DNAH9: variants seen among roughly 807,000 people sequenced by gnomAD.
The protein encoded by DNAH9 is DNAH9 variant protein.
In DNAH9, 345 loss-of-function variants were observed where a neutral mutation model predicts 471.6. That is an observed-to-expected ratio of 0.73 (90% CI 0.67 to 0.80). DNAH9 has a LOEUF of 0.80. DNAH9 is among the 30% of genes least tolerant of loss of function. The pLI is 0.00. For missense variants in DNAH9, 5,407 were observed against 5,609.2 expected (o/e 0.96, Z 1.15); for synonymous variants, 2,093 against 2,123.6 (o/e 0.99, Z 0.40).
At chr17:11,662,253 T>A (rs2073780617) in intron 14 of DNAH9, among the ~76,000 whole-genome samples, 1 of 152,170 alleles carries the variant, frequency 6.6e-6, no homozygotes, top group South Asian at 2.1e-4. Context: ...TCTTTGATAT[T>A]TTTTCAGCAC....
intron 36 of DNAH9, among the ~76,000 whole-genome samples, chr17:11,768,109 G>A (rs1261541273): frequency 6.6e-6 from 1 of 152,126 alleles, no homozygotes; most frequent in Non-Finnish European, 1.5e-5. Context: ...CCGAAGAATG[G>A]GGCCAATCTA....
chr17:11,685,573 A>G (rs983619682), intron 19 of DNAH9, among the ~76,000 whole-genome samples: 1 of 152,190 alleles, frequency 6.6e-6, no homozygotes, highest in Non-Finnish European at 1.5e-5. Context: ...AGGCCTGATC[A>G]GAAGCAGTGG....
At chr17:11,726,037 T>C (rs535063494) in intron 27 of DNAH9, among the ~76,000 whole-genome samples, 166 of 152,262 alleles carry the variant, frequency 1.1e-3, no homozygotes, top group African/African-American at 3.8e-3. Flanking sequence ...ATTTAGTAAT[T>C]CAACTTTCCA....
Position 11,822,330 on chromosome 17 carries a change from A to T in DNAH9, c.8851-108A>T, listed in dbSNP as rs538387122. The stretch of plus-strand genomic sequence containing the variant: ...CATTTACAGATATTATCTCTGTTGG[A>T]TGTGCTTCCCAATCTTCTGGGAGCT... On this transcript the variant is annotated intron_variant, in intron 46 of 68. Coordinates refer to ENST00000262442, the MANE Select transcript of DNAH9 (RefSeq NM_001372.4). The T allele has an allele frequency of 2.9e-5, 38 of 1,324,308 alleles. No individual in the cohort carries two copies. In the South Asian group the frequency reaches 5.1e-4, roughly 18 times the overall value. The allele number at this position is 1,324,308 out of a possible 1,614,324, so 82.0% of individuals were successfully genotyped here.
intron 57 of DNAH9, among the ~76,000 whole-genome samples, chr17:11,889,241 C>T (rs1156853028): frequency 6.6e-6 from 1 of 152,212 alleles, no homozygotes; most frequent in East Asian, 1.9e-4. Context: ...ATAGAAGAAG[C>T]TTGCATCAGA....
rs116658275 is a variant in DNAH9, at chr17:11,800,721, C to T, written c.8420+2928C>T. Among the ~76,000 whole-genome samples the T allele has an allele frequency of 8.2e-3, 1,248 of 152,222 alleles. 20 individuals carry two copies. The highest frequency in any genetic ancestry group is 0.029 in the African/African-American group (1,192 of 41,528). ...AAGTCAGTTTTCACTGCTAAGTCCT[C>T]GCCTATATTACATGACGCCCCTGTG... On this transcript the variant is annotated intron_variant, in intron 43 of 68. Transcript: ENST00000262442.
intron 49 of DNAH9, among the ~76,000 whole-genome samples, chr17:11,843,837 G>A (rs1480326268): frequency 1.3e-4 from 9 of 68,802 alleles, no homozygotes; most frequent in African/African-American, 3.3e-4. Context: ...ACATGTATAT[G>A]TGTTTGTGTG....
chr17:11,728,201 T>A (rs1199784584), intron 28 of DNAH9, among the ~76,000 whole-genome samples: 1 of 152,144 alleles, frequency 6.6e-6, no homozygotes, highest in Non-Finnish European at 1.5e-5. Context: ...GCCTGCTTCA[T>A]CTGGGCACAG....
At chr17:11,760,848 G>A (rs1462884513) in intron 35 of DNAH9, among the ~76,000 whole-genome samples, 4 of 152,272 alleles carry the variant, frequency 2.6e-5, no homozygotes, top group South Asian at 2.1e-4. Flanking sequence ...GCCACCCTGC[G>A]GATGGGGGAG....
intron 38 of DNAH9, among the ~76,000 whole-genome samples, chr17:11,771,422 G>A (rs1318638009): frequency 6.6e-6 from 1 of 152,150 alleles, no homozygotes; most frequent in African/African-American, 2.4e-5. Flanking sequence ...AGCCACTGCA[G>A]CCAGCCTAAT....
chr17:11,907,486 G>A (rs1384605427), intron 61 of DNAH9, among the ~76,000 whole-genome samples: 1 of 151,656 alleles, frequency 6.6e-6, no homozygotes, highest in East Asian at 1.9e-4. Context: ...TGTCCTATCA[G>A]TAATTCCAAA....
At chr17:11,953,583 G>A (rs189579136) in intron 67 of DNAH9, among the ~76,000 whole-genome samples, 1,743 of 152,056 alleles carry the variant, frequency 0.011, 31 homozygotes, top group African/African-American at 0.035. Flanking sequence ...AGGCTGAGGC[G>A]GGCGGATCAC....
In DNAH9 at chr17:11,852,464, G is replaced by A. The variant is rs189779447; in HGVS notation, c.9508-1539G>A. Among the ~76,000 whole-genome samples the A allele has an allele frequency of 1.9e-3, 286 of 152,086 alleles. 2 individuals carry two copies. The highest frequency in any genetic ancestry group is 6.0e-3 in the African/African-American group (251 of 41,490). On this transcript the variant is annotated intron_variant, in intron 49 of 68. Transcript: ENST00000262442. ...ACATGGGAAATTTGTTTATATTGGCGGATCCCCTTGTGGCTCTTGTCCAAT... is the reference window on the plus strand; with the variant it reads ...ACATGGGAAATTTGTTTATATTGGCAGATCCCCTTGTGGCTCTTGTCCAAT...
At chr17:11,813,846 A>G (rs1759645491) in intron 45 of DNAH9, among the ~76,000 whole-genome samples, 1 of 152,244 alleles carries the variant, frequency 6.6e-6, no homozygotes, top group Non-Finnish European at 1.5e-5. Context: ...TGGATTATAG[A>G]TGGACATGAA....
intron 67 of DNAH9, among the ~76,000 whole-genome samples, chr17:11,948,072 G>C (rs1333730761): frequency 6.6e-6 from 1 of 151,682 alleles, no homozygotes; most frequent in Non-Finnish European, 1.5e-5. Context: ...GCCAGGAACT[G>C]ATTTTTATCA....
chr17:11,758,782 G>A (rs1027706571), intron 35 of DNAH9, among the ~76,000 whole-genome samples: 9 of 152,160 alleles, frequency 5.9e-5, no homozygotes, highest in African/African-American at 2.2e-4. Context: ...TTGCAGTCAA[G>A]TAGGTGACAT....
At chr17:11,804,813 G>C (rs1969605605) in intron 43 of DNAH9, among the ~76,000 whole-genome samples, 1 of 151,574 alleles carries the variant, frequency 6.6e-6, no homozygotes, top group Non-Finnish European at 1.5e-5. Flanking sequence ...GGCGGAGCTT[G>C]CAGTGAGCCG....
chr17:11,822,609 A>T lies in DNAH9; in HGVS notation c.9012+10A>T. ...CACAGAGGGCATTGAGGTGAGAGAG[A>T]AAAGGAGACACTCCTAAAAGTCCTT... On this transcript the variant is annotated intron_variant, in intron 47 of 68. Transcript: ENST00000262442. 1 of 1,613,820 alleles carries T rather than the reference A, an allele frequency of 6.2e-7. No homozygotes were observed. Among genetic ancestry groups the T allele is most frequent in the Non-Finnish European group, 8.5e-7 (1 of 1,179,840 alleles).
intron 14 of DNAH9, among the ~76,000 whole-genome samples, chr17:11,663,874 A>G (rs1256603171): frequency 1.3e-5 from 2 of 152,222 alleles, no homozygotes; most frequent in Admixed American, 6.5e-5. Flanking sequence ...TTTAAGTCAC[A>G]AAGAACATCT....
Sources: allele counts gnomAD v4.1 joint callset (sites outside exome capture counted in the v4.1 genomes callset), GRCh38; gene constraint gnomAD v4.1.1; transcripts MANE v1.5; gene names NCBI Gene and HGNC (gene_info 2026-07-23, HGNC 2026-07-21).